The following ARHGAP29 variants were observed in gnomAD, a reference collection of about 807,000 sequenced individuals.
ARHGAP29 encodes Rho GTPase activating protein 29.
Under a neutral mutation model 122.6 loss-of-function variants are expected in ARHGAP29, and 43 were observed. That is an observed-to-expected ratio of 0.35 (90% CI 0.27 to 0.45). ARHGAP29 has a LOEUF of 0.45. ARHGAP29 is among the 20% of genes least tolerant of loss of function. The pLI, the probability that ARHGAP29 is intolerant of heterozygous loss-of-function variation, is 1.00. For missense variants in ARHGAP29, 1,303 were observed against 1,477.2 expected, an observed-to-expected ratio of 0.88 and a Z score of 1.93; for synonymous variants, 506 against 497.1, an observed-to-expected ratio of 1.02 and a Z score of -0.24.
At chr1:94,299,546 C>T in the ARHGAP29 span, among the ~76,000 whole-genome samples, 1 of 152,118 alleles carries the variant, frequency 6.6e-6, no homozygotes, top group African/African-American at 2.4e-5. Context: ...ACAGTAAAAA[C>T]AGTAGTACCA....
At chr1:94,313,122 T>C in the ARHGAP29 span, among the ~76,000 whole-genome samples, 1 of 152,186 alleles carries the variant, frequency 6.6e-6, no homozygotes, top group African/African-American at 2.4e-5. Flanking sequence ...GACTTTCCCA[T>C]CTCAGTAAAT....
At chr1:94,237,612 G>T (rs1023975852), upstream of ARHGAP29, 1 of 987,348 alleles carries the variant, frequency 1.0e-6, no homozygotes, top group Non-Finnish European at 1.2e-6. Context: ...TGCAGCTACC[G>T]CCACGGCCGC....
intron 1 of ARHGAP29, among the ~76,000 whole-genome samples, chr1:94,233,744 T>C (rs1193230897): frequency 6.6e-6 from 1 of 152,170 alleles, no homozygotes; most frequent in Non-Finnish European, 1.5e-5. Flanking sequence ...TTTTACATAA[T>C]AATACATGTT....
At chr1:94,294,325 T>A in the ARHGAP29 span, among the ~76,000 whole-genome samples, 16 of 151,972 alleles carry the variant, frequency 1.1e-4, no homozygotes, top group Admixed American at 7.9e-4. Flanking sequence ...ATGTATATAT[T>A]TTTTTAGACA....
chr1:94,294,834 G>A, the ARHGAP29 span, among the ~76,000 whole-genome samples: 1 of 152,152 alleles, frequency 6.6e-6, no homozygotes, highest in East Asian at 1.9e-4. Flanking sequence ...ATCCTGGAAG[G>A]CAAGAAATGA....
At chr1:94,284,970 C>T in the ARHGAP29 span, among the ~76,000 whole-genome samples, 1 of 152,188 alleles carries the variant, frequency 6.6e-6, no homozygotes. Flanking sequence ...TACAAACACT[C>T]TTTTTACACT....
chr1:94,250,185 C>T (rs893433094), intron 1 of ARHGAP29, among the ~76,000 whole-genome samples: 1 of 152,176 alleles, frequency 6.6e-6, no homozygotes, highest in Admixed American at 6.5e-5. Context: ...CCCAGCCCCA[C>T]AGGGGAGCAG....
the ARHGAP29 span, among the ~76,000 whole-genome samples, chr1:94,287,493 T>TTTAATA: frequency 2.0e-5 from 3 of 151,894 alleles, no homozygotes; most frequent in African/African-American, 7.3e-5. Flanking sequence ...TTAAACCTCT[T>TTTAATA]TTACTATTAT....
At chr1:94,185,544 A>G in intron 16 of ARHGAP29, 63 bp from the exon 17 acceptor site, 2 of 1,354,300 alleles carry the variant, frequency 1.5e-6, no homozygotes, top group Non-Finnish European at 2.0e-6. Flanking sequence ...ATGTGATATC[A>G]TATTTTGAAT....
rs117573635 is a variant in ARHGAP29 at position 94,171,160 on chromosome 1, G to A, written c.*2709C>T. On this transcript the variant is annotated 3_prime_UTR_variant, in exon 23 of 23. Coordinates refer to ENST00000260526, the MANE Select transcript of ARHGAP29 (RefSeq NM_004815.4). ...AATACTGTAACACAACGATAGCTGGGAATAGTGTAGCCATAGTACCATCTT... is the reference window on the plus strand; with the variant it reads ...AATACTGTAACACAACGATAGCTGGAAATAGTGTAGCCATAGTACCATCTT... Among the ~76,000 whole-genome samples, 1 of 152,124 alleles carries A rather than the reference G, an allele frequency of 6.6e-6. No individual in the cohort carries two copies. The highest frequency in any genetic ancestry group is 1.5e-5 in the Non-Finnish European group (1 of 68,028).
intron 1 of ARHGAP29, 72 bp downstream of exon 1, chr1:94,237,343 G>A (rs1200781595): frequency 5.2e-6 from 5 of 958,956 alleles, no homozygotes; most frequent in Non-Finnish European, 6.2e-6. Flanking sequence ...ATTCGCGGGC[G>A]CTCGCGCGGG....
At chr1:94,247,668 G>A (rs1653869076) in intron 1 of ARHGAP29, among the ~76,000 whole-genome samples, 1 of 151,586 alleles carries the variant, frequency 6.6e-6, no homozygotes, top group Admixed American at 6.6e-5. Context: ...CCCACGGCCC[G>A]CAGACGCCCG....
intron 20 of ARHGAP29, among the ~76,000 whole-genome samples, chr1:94,179,434 A>C (rs1649307604): frequency 6.6e-6 from 1 of 151,864 alleles, no homozygotes; most frequent in Non-Finnish European, 1.5e-5. Flanking sequence ...TCTCTACTAA[A>C]AATACAAAAA....
intron 12 of ARHGAP29, 34 bp downstream of exon 12, chr1:94,201,686 T>G (rs1323504028): frequency 7.4e-6 from 12 of 1,611,680 alleles, no homozygotes; most frequent in Non-Finnish European, 1.0e-5. Flanking sequence ...TGGTCTTTTC[T>G]TCTTGCCTTC....
At chr1:94,228,539 T>C (rs953941628) in intron 2 of ARHGAP29, among the ~76,000 whole-genome samples, 2 of 151,784 alleles carry the variant, frequency 1.3e-5, no homozygotes, top group Non-Finnish European at 1.5e-5. Context: ...TTACTACCAA[T>C]TTAACCAAAC....
chr1:94,308,420 T>C, the ARHGAP29 span, among the ~76,000 whole-genome samples: 1 of 152,196 alleles, frequency 6.6e-6, no homozygotes, highest in Non-Finnish European at 1.5e-5. Flanking sequence ...TTACAATTTG[T>C]TGCAAAAAGC....
At chr1:94,255,863 C>T (rs1654328060) in intron 1 of ARHGAP29, among the ~76,000 whole-genome samples, 1 of 152,154 alleles carries the variant, frequency 6.6e-6, no homozygotes, top group Non-Finnish European at 1.5e-5. Flanking sequence ...GCTGCCATTG[C>T]AATTGGTATT....
At chr1:94,306,104 C>A in the ARHGAP29 span, among the ~76,000 whole-genome samples, 2 of 152,202 alleles carry the variant, frequency 1.3e-5, no homozygotes, top group Non-Finnish European at 2.9e-5. Context: ...CATTTTATAA[C>A]CAATTTACAA....
chr1:94,246,998 T>A (rs751533240), intron 1 of ARHGAP29, among the ~76,000 whole-genome samples: 1 of 151,922 alleles, frequency 6.6e-6, no homozygotes, highest in Non-Finnish European at 1.5e-5. Flanking sequence ...AAGACGGTGT[T>A]TTACAACCTT....
Sources: allele counts gnomAD v4.1 joint callset (sites outside exome capture counted in the v4.1 genomes callset), GRCh38; gene constraint gnomAD v4.1.1; transcripts MANE v1.5; gene names NCBI Gene and HGNC (gene_info 2026-07-23, HGNC 2026-07-21).